The following PLCXD1 variants were observed in gnomAD, a reference collection of about 807,000 sequenced individuals.
PLCXD1 encodes phosphatidylinositol specific phospholipase C X domain containing 1.
Under a neutral mutation model 37.8 loss-of-function variants are expected in PLCXD1, and 45 were observed. The ratio of observed to expected loss-of-function variants is 1.19; its 90% CI spans 0.94 to 1.53. The LOEUF (loss-of-function observed/expected upper bound fraction) is 1.53. PLCXD1 is among the 40% of genes most tolerant of loss of function. The pLI, the probability that PLCXD1 is intolerant of heterozygous loss-of-function variation, is 0.00. For synonymous variants in PLCXD1, 246 were observed against 206.9 expected (o/e 1.19, Z -1.62); for missense variants, 539 against 454.7 (o/e 1.19, Z -1.69).
rs137999220 is a variant in PLCXD1, at chrX:284,275, C to T, written c.88C>T (p.Arg30Trp). Reference sequence around the variant, plus strand: ...GGACTGGATGTCGGCACTGTGTCCCCGGCTCTGGGATGTGCCCCTCCACCA... The same window carrying T: ...GGACTGGATGTCGGCACTGTGTCCCTGGCTCTGGGATGTGCCCCTCCACCA... ...NEDWMSALCP[R>W]LWDVPLHHLS... The change falls in exon 2 of 7, where the codon CGG becomes TGG. Residue 30 changes from arginine to tryptophan, a missense_variant. By Grantham distance (101) the Arg-to-Trp change is moderately radical. Transcript: ENST00000381657. The T allele has an allele frequency of 1.9e-5, 30 of 1,613,508 alleles. No homozygotes were observed. In the African/African-American group the frequency reaches 2.8e-4, roughly 15 times the overall value.
intron 4 of PLCXD1, among the ~76,000 whole-genome samples, 164 bp from the exon 5 acceptor site, chrX:291,334 CG>C (rs1569564531): frequency 6.6e-6 from 1 of 151,994 alleles, no homozygotes. Context: ...TTAGTAGATA[CG>C]GGGTTTCACC....
upstream of PLCXD1, among the ~76,000 whole-genome samples, chrX:277,366 C>T (rs368050287): frequency 3.9e-4 from 43 of 111,638 alleles, no homozygotes; most frequent in Non-Finnish European, 7.1e-4. Flanking sequence ...GGTGTGGGGA[C>T]AGGAGGGGAC....
rs202235285 is a variant in PLCXD1, at chrX:299,360, G to A, written c.*25G>A. 22 of 1,533,090 alleles carry A rather than the reference G, an allele frequency of 1.4e-5. No homozygotes were observed. Among genetic ancestry groups the A allele is most frequent in the Admixed American group, 3.3e-5 (2 of 59,736 alleles). 95.0% of individuals were successfully genotyped at this position (1,533,090 alleles called of 1,614,324 possible). A position where few individuals can be genotyped will look rare whatever the true frequency, so the allele number is the denominator to read the frequency against. ...ACGGGACCCTTCTGAAGTTCGGGAC[G>A]CGGCGGCTGCAGTTTCACCCCCGAA... is the stretch of plus-strand genomic sequence containing the variant. On this transcript the variant is annotated 3_prime_UTR_variant, in exon 7 of 7. Coordinates refer to ENST00000381657, the MANE Select transcript of PLCXD1 (RefSeq NM_018390.4).
At chrX:287,242 A>G (rs929279882) in intron 2 of PLCXD1, among the ~76,000 whole-genome samples, 1 of 142,004 alleles carries the variant, frequency 7.0e-6, no homozygotes. Flanking sequence ...TATATATAAT[A>G]TATAAATAAG....
chrX:293,921 C>T (rs567719729), intron 6 of PLCXD1, among the ~76,000 whole-genome samples: 10 of 152,300 alleles, frequency 6.6e-5, no homozygotes, highest in African/African-American at 1.7e-4. Context: ...CCTTTTAGGA[C>T]GATGAGAATG....
chrX:294,517 C>G (rs928126076), intron 6 of PLCXD1, among the ~76,000 whole-genome samples: 2 of 150,244 alleles, frequency 1.3e-5, no homozygotes, highest in East Asian at 2.0e-4. Context: ...GTAATCCCAT[C>G]TACTTGGGAG....
intron 1 of PLCXD1, chrX:283,242 A>T (rs1278082916): frequency 2.9e-5 from 4 of 137,854 alleles, no homozygotes; most frequent in Non-Finnish European, 4.6e-5. Context: ...CCTGGGCAAC[A>T]AGAGCGAAAC....
intron 6 of PLCXD1, among the ~76,000 whole-genome samples, chrX:295,407 G>A (rs773099298): frequency 1.3e-5 from 2 of 152,024 alleles, no homozygotes; most frequent in African/African-American, 4.8e-5. Flanking sequence ...TCACGGCCGC[G>A]AGGGCTGCTT....
chrX:294,417 G>C (rs1191345171), intron 6 of PLCXD1, among the ~76,000 whole-genome samples: 3 of 151,648 alleles, frequency 2.0e-5, no homozygotes, highest in East Asian at 3.9e-4. Flanking sequence ...GGGAGGCGGA[G>C]CTTGCAGTGA....
chrX:293,249 C>T (rs1042260475), intron 6 of PLCXD1, 31 bp downstream of exon 6: 1 of 1,565,024 alleles, frequency 6.4e-7, no homozygotes, highest in South Asian at 1.1e-5. Context: ...GGGGTAGATT[C>T]CACACAGCCT....
intron 6 of PLCXD1, among the ~76,000 whole-genome samples, chrX:296,364 C>A (rs2069808499): frequency 6.6e-6 from 1 of 152,070 alleles, no homozygotes; most frequent in South Asian, 2.1e-4. Context: ...ACCTCATGAT[C>A]CACCGGCCTC....
chrX:283,381 G>A (rs1311716468), intron 1 of PLCXD1: 7 of 152,166 alleles, frequency 4.6e-5, no homozygotes, highest in African/African-American at 1.7e-4. Flanking sequence ...GCCTGGAGGA[G>A]GCGTGACTCA....
intron 1 of PLCXD1, among the ~76,000 whole-genome samples, chrX:282,955 A>G (rs867487286): frequency 7.0e-6 from 1 of 142,112 alleles, no homozygotes; most frequent in African/African-American, 2.7e-5. Context: ...TTATATATAT[A>G]TTATATATGT....
intron 2 of PLCXD1, among the ~76,000 whole-genome samples, chrX:287,575 A>G (rs1408033273): frequency 1.1e-5 from 1 of 92,942 alleles, no homozygotes; most frequent in Non-Finnish European, 2.0e-5. Flanking sequence ...ATGTTTATAT[A>G]TAGATATAGA....
chrX:298,453 CAT>C (rs1490155619), intron 6 of PLCXD1, among the ~76,000 whole-genome samples: 1 of 19,444 alleles, frequency 5.1e-5, no homozygotes, highest in Admixed American at 4.4e-4. Flanking sequence ...CTGTCTATCA[CAT>C]GGGGATTAGG....
At chrX:297,457 A>G (rs1441079291) in intron 6 of PLCXD1, among the ~76,000 whole-genome samples, 1 of 83,274 alleles carries the variant, frequency 1.2e-5, no homozygotes, top group Non-Finnish European at 2.2e-5. Flanking sequence ...CTTTGGGGAC[A>G]TTATTCTGTC....
At chrX:283,010 GTT>G in intron 1 of PLCXD1, among the ~76,000 whole-genome samples, 1 of 144,968 alleles carries the variant, frequency 6.9e-6, no homozygotes, top group Non-Finnish European at 1.5e-5. Context: ...TATTATATAT[GTT>G]ATATATATGT....
intron 4 of PLCXD1, among the ~76,000 whole-genome samples, chrX:291,118 G>C (rs773040527): frequency 5.3e-5 from 8 of 151,580 alleles, no homozygotes; most frequent in African/African-American, 1.9e-4. Context: ...CACTGACCCC[G>C]CCAATCCGTT....
Position 296,196 on chromosome X carries a change from C to G in PLCXD1, c.734-2901C>G, listed in dbSNP as rs552852252. Among the ~76,000 whole-genome samples, 24 of 152,204 alleles carry G rather than the reference C, an allele frequency of 1.6e-4. No homozygotes were observed. In the South Asian group the frequency reaches 4.3e-3, roughly 28 times the overall value. Reference sequence around the variant, plus strand: ...AGTGCAATGGCGTGATCTCGGCTCACTGCAACCTCCACCTCCTGGATTCAA... The same window carrying G: ...AGTGCAATGGCGTGATCTCGGCTCAGTGCAACCTCCACCTCCTGGATTCAA... On this transcript the variant is annotated intron_variant, in intron 6 of 6. Transcript: ENST00000381657.
Sources: gnomAD v4.1 joint callset for allele counts (sites outside exome capture counted in the v4.1 genomes callset) on GRCh38, gnomAD v4.1.1 for gene constraint, MANE v1.5 for transcripts, NCBI Gene and HGNC (gene_info 2026-07-23, HGNC 2026-07-21) for gene names.